SLC2A14: variants seen among roughly 807,000 people sequenced by gnomAD.
The protein encoded by SLC2A14 is solute carrier family 2, facilitated glucose transporter member 14.
In SLC2A14, 13 loss-of-function variants were observed where a neutral mutation model predicts 43.0. That is an observed-to-expected ratio of 0.30 (90% CI 0.20 to 0.48). SLC2A14 has a LOEUF of 0.48. Among genes scored for constraint, SLC2A14 ranks in the 20% least tolerant of loss-of-function variants. The pLI, the probability that SLC2A14 is intolerant of heterozygous loss-of-function variation, is 0.99. For missense variants in SLC2A14, 428 were observed against 620.4 expected, an observed-to-expected ratio of 0.69 and a Z score of 3.29; for synonymous variants, 190 against 233.8, an observed-to-expected ratio of 0.81 and a Z score of 1.71.
At chr12:7,863,484 G>A (rs1423339960) in intron 2 of SLC2A14, 1 of 446,100 alleles carries the variant, frequency 2.2e-6, no homozygotes, top group African/African-American at 2.0e-5. Flanking sequence ...AAAATTAGCT[G>A]GGTGTGCTGG....
chr12:7,874,825 A>AATAATATATAAATACGT (rs1565584761), upstream of SLC2A14, among the ~76,000 whole-genome samples: 157 of 123,990 alleles, frequency 1.3e-3, 5 homozygotes, highest in Non-Finnish European at 2.1e-3. Context: ...TTTATATATA[A>AATAATATATAAATACGT]ATTATATATA....
intron 2 of SLC2A14, among the ~76,000 whole-genome samples, chr12:7,854,511 T>G (rs1221723384): frequency 6.6e-6 from 1 of 152,134 alleles, no homozygotes; most frequent in Non-Finnish European, 1.5e-5. Context: ...CTTTTTGAGA[T>G]GGAGTTTCAC....
intron 2 of SLC2A14, chr12:7,839,897 G>A: frequency 2.4e-6 from 1 of 421,492 alleles, no homozygotes; most frequent in East Asian, 7.5e-5. Flanking sequence ...GGACCAGCCT[G>A]GGCGACACAA....
At chr12:7,869,144 CAA>C (rs1029431395) in intron 2 of SLC2A14, among the ~76,000 whole-genome samples, 3 of 117,190 alleles carry the variant, frequency 2.6e-5, no homozygotes, top group South Asian at 2.5e-4. Context: ...AACTCCATCT[CAA>C]AAAAAAAAAA....
intron 2 of SLC2A14, among the ~76,000 whole-genome samples, chr12:7,849,103 C>A (rs1315357547): frequency 2.0e-5 from 3 of 152,090 alleles, no homozygotes; most frequent in African/African-American, 4.8e-5. Flanking sequence ...AGTCAGCCCA[C>A]CTCCGTCTCC....
intron 1 of SLC2A14, 158 bp downstream of exon 1, chr12:7,872,649 G>A: frequency 2.1e-6 from 1 of 479,748 alleles, no homozygotes; most frequent in African/African-American, 2.1e-5. Context: ...CTTCTCCAAG[G>A]CTCCAAGGCT....
intron 2 of SLC2A14, among the ~76,000 whole-genome samples, chr12:7,845,954 G>A (rs937502898): frequency 6.5e-4 from 98 of 151,748 alleles, no homozygotes; most frequent in African/African-American, 2.3e-3. Context: ...TTAGCTGGGC[G>A]TGGTGGTGCA....
At chr12:7,886,366 A>G (rs995489286) in intron 1 of SLC2A14, among the ~76,000 whole-genome samples, 5 of 148,860 alleles carry the variant, frequency 3.4e-5, no homozygotes, top group Admixed American at 6.8e-5. Flanking sequence ...TTATTTATTT[A>G]TTTATTTATT....
intron 7 of SLC2A14, among the ~76,000 whole-genome samples, chr12:7,824,977 G>C (rs1303443320): frequency 2.6e-5 from 4 of 151,912 alleles, no homozygotes; most frequent in African/African-American, 9.7e-5. Flanking sequence ...TTAGAGGCAT[G>C]AGCCACTGTC....
At chr12:7,889,481 C>T (rs1272214825) in intron 1 of SLC2A14, among the ~76,000 whole-genome samples, 2 of 151,144 alleles carry the variant, frequency 1.3e-5, no homozygotes, top group African/African-American at 4.9e-5. Context: ...TGATACACCA[C>T]CTCGGCCTCC....
intron 1 of SLC2A14, among the ~76,000 whole-genome samples, chr12:7,882,887 G>GT (rs1173792898): frequency 3.5e-5 from 2 of 57,704 alleles, no homozygotes; most frequent in Non-Finnish European, 1.0e-4. Flanking sequence ...CTCAATTCAA[G>GT]TTTAAAAAAA....
intron 3 of SLC2A14, 73 bp downstream of exon 3, chr12:7,832,649 T>G (rs1865132948): frequency 6.4e-7 from 1 of 1,554,520 alleles, no homozygotes; most frequent in South Asian, 1.1e-5. Context: ...CCTTAAATTC[T>G]GAATTCTTGA....
upstream of SLC2A14, among the ~76,000 whole-genome samples, chr12:7,877,401 T>C (rs1365965476): frequency 2.0e-5 from 3 of 152,060 alleles, no homozygotes; most frequent in Non-Finnish European, 4.4e-5. Context: ...GTCAACCTCC[T>C]GGGCTTAGGA....
At chr12:7,891,092 G>C (rs7297809) in exon 1 of SLC2A14, 1,222,842 of 1,534,160 alleles carry the variant, frequency 0.8, 488,383 homozygotes, top group African/African-American at 0.9. Flanking sequence ...TCACACCCAG[G>C]AGTACTTCTA....
chr12:7,883,680 T>C (rs1280336847), intron 1 of SLC2A14, among the ~76,000 whole-genome samples: 4 of 144,886 alleles, frequency 2.8e-5, no homozygotes, highest in Non-Finnish European at 6.0e-5. Context: ...GCTTCCCAGG[T>C]TCATGCCATT....
chr12:7,860,540 T>C (rs1181182966), intron 2 of SLC2A14: 1 of 152,138 alleles, frequency 6.6e-6, no homozygotes, highest in African/African-American at 2.4e-5. Context: ...TTGGAGAAGG[T>C]GTGCGCTGAT....
rs1451699057 is a variant in SLC2A14 at position 7,846,572 on chromosome 12, C to T, written c.19-13758G>A. On this transcript the variant is annotated intron_variant, in intron 2 of 10. Transcript: ENST00000431042. ...TTAAAGTATGGTGTCCAGAACTAAT[C>T]TTAGTGAAAAAACTATAGTATATCA... Among the ~76,000 whole-genome samples, 35 of 151,404 alleles carry T rather than the reference C, an allele frequency of 2.3e-4. 1 individual carries two copies. Among genetic ancestry groups the T allele is most frequent in the Admixed American group, 2.3e-3 (35 of 15,174 alleles).
chr12:7,826,834 T>TTCCTTCCTTCCTTCC (rs1864398710), intron 7 of SLC2A14, among the ~76,000 whole-genome samples: 2 of 29,570 alleles, frequency 6.8e-5, no homozygotes, highest in African/African-American at 2.3e-4. Context: ...TCTTTCTTTC[T>TTCCTTCCTTCCTTCC]TTCCTTCCTT....
At chr12:7,842,077 A>G (rs567080410) in intron 2 of SLC2A14, among the ~76,000 whole-genome samples, 1 of 151,560 alleles carries the variant, frequency 6.6e-6, no homozygotes, top group African/African-American at 2.4e-5. Flanking sequence ...GCAATCACTG[A>G]TCTTTTTGCT....
Sources: allele counts gnomAD v4.1 joint callset (sites outside exome capture counted in the v4.1 genomes callset), GRCh38; gene constraint gnomAD v4.1.1; transcripts MANE v1.5; gene names NCBI Gene and HGNC (gene_info 2026-07-23, HGNC 2026-07-21).